The following KIF5B variants were observed in gnomAD, a reference collection of about 807,000 sequenced individuals.
The protein encoded by KIF5B is kinesin-1 heavy chain.
A neutral mutation model predicts 132.8 loss-of-function variants in KIF5B; 49 were observed. The ratio of observed to expected loss-of-function variants is 0.37; its 90% CI spans 0.29 to 0.47. The LOEUF (loss-of-function observed/expected upper bound fraction) is 0.47. Among genes scored for constraint, KIF5B ranks in the 20% least tolerant of loss-of-function variants. The pLI is 1.00. For missense variants in KIF5B, 780 were observed against 1,144.0 expected (o/e 0.68, Z 4.59); for synonymous variants, 355 against 369.4 (o/e 0.96, Z 0.45).
chr10:32,033,415 G>A (rs1291117058), intron 12 of KIF5B, among the ~76,000 whole-genome samples: 5 of 152,202 alleles, frequency 3.3e-5, no homozygotes, highest in African/African-American at 9.6e-5. Context: ...CATTAAGAGC[G>A]CGAACTCTAT....
At chr10:32,044,488 A>G (rs1392036334) in intron 2 of KIF5B, among the ~76,000 whole-genome samples, 1 of 152,204 alleles carries the variant, frequency 6.6e-6, no homozygotes, top group East Asian at 1.9e-4. Context: ...CCTGACCAAC[A>G]TGGAGGAACC....
At position 32,034,023 on chromosome 10, in the gene KIF5B, A is replaced by G; in HGVS notation, c.1127T>C (p.Ile376Thr). The G allele has an allele frequency of 6.3e-7, 1 of 1,578,496 alleles. No individual in the cohort carries two copies. Among genetic ancestry groups the G allele is most frequent in the East Asian group, 2.3e-5 (1 of 43,174 alleles). Residue 376 changes from isoleucine (I) to threonine (T), a missense_variant, in exon 12 of 26, where the codon ATT becomes ACT. Around this residue, in one of 9 missense-constraint regions of KIF5B, gnomAD observed 471 missense variants for 569.9 expected, o/e 0.83. Coordinates refer to ENST00000302418, the MANE Select transcript of KIF5B (RefSeq NM_004521.3). ...TTTCTCTTTGTCAAACTGTTCATCA[A>G]TAGGCACCGTCTCCCCTAAAATAAG... The part of the protein sequence containing the change: ...NRWRNGETVP[I>T]DEQFDKEKAN...
chr10:32,017,109 G>A (rs753475884), intron 24 of KIF5B, 34 bp downstream of exon 24: 3 of 1,532,622 alleles, frequency 2.0e-6, no homozygotes, highest in Admixed American at 1.7e-5. Context: ...TTCAAATTGA[G>A]CAAGGTTTAA....
chr10:32,017,111 A>C, intron 24 of KIF5B, 32 bp downstream of exon 24: 12 of 1,540,576 alleles, frequency 7.8e-6, no homozygotes, highest in Non-Finnish European at 9.9e-6. Context: ...CAAATTGAGC[A>C]AGGTTTAAAG....
chr10:32,017,209 C>T lies in KIF5B; in HGVS notation c.2695G>A (p.Val899Ile). The change falls in exon 24 of 26, where the codon GTA (valine) becomes ATA (isoleucine). Residue 899 changes from valine to isoleucine, a missense_variant. Val to Ile is a conservative substitution (Grantham distance 29). Transcript: ENST00000302418. ...CTGACTGCTTCCTTTATGCGATCTACTTCTTGCTGATAGCGTTTGCGATCA... is the reference window on the plus strand; with the variant it reads ...CTGACTGCTTCCTTTATGCGATCTATTTCTTGCTGATAGCGTTTGCGATCA... ...SRDRKRYQQE[V>I]DRIKEAVRSK... The T allele has an allele frequency of 6.2e-7, 1 of 1,614,228 alleles. No homozygotes were observed. The highest frequency in any genetic ancestry group is 1.1e-5 in the South Asian group (1 of 91,086).
chr10:32,039,258 C>A, intron 4 of KIF5B, 69 bp downstream of exon 4: 1 of 623,534 alleles, frequency 1.6e-6, no homozygotes, highest in South Asian at 2.2e-5. Context: ...AAGAAACCAG[C>A]ATTTACTATT....
chr10:32,031,148 A>G lies in KIF5B; in HGVS notation c.1506T>C (p.Tyr502=), dbSNP rs1402439240. The G allele has an allele frequency of 5.0e-6, 8 of 1,614,010 alleles. No individual in the cohort carries two copies. Among genetic ancestry groups the G allele is most frequent in the Non-Finnish European group, 6.8e-6 (8 of 1,179,962 alleles). ...CTTCAACTTCCTGAGACTTCTGATC[A>G]TAATTGACAGCAAGTTCTTCTAGGG... ...LQALEELAVN[Y]DQKSQEVEDK... is the part of the protein sequence containing the mutation. Residue 502 remains tyrosine (Y), a synonymous_variant, in exon 14 of 26, where the codon TAT becomes TAC. Coordinates refer to ENST00000302418, the MANE Select transcript of KIF5B (RefSeq NM_004521.3).
intron 15 of KIF5B, 33 bp from the exon 16 acceptor site, chr10:32,023,069 C>A (rs1238287461): frequency 7.3e-7 from 1 of 1,361,568 alleles, no homozygotes; most frequent in South Asian, 1.6e-5. Flanking sequence ...AAAATTAAAG[C>A]CAAAAATGTT....
intron 24 of KIF5B, among the ~76,000 whole-genome samples, chr10:32,016,749 T>C (rs899786249): frequency 6.6e-6 from 1 of 152,152 alleles, no homozygotes; most frequent in African/African-American, 2.4e-5. Flanking sequence ...CATGTTAGGC[T>C]GGTCTCGAAC....
At chr10:32,043,811 A>T (rs1841574915) in intron 2 of KIF5B, among the ~76,000 whole-genome samples, 1 of 152,188 alleles carries the variant, frequency 6.6e-6, no homozygotes, top group African/African-American at 2.4e-5. Context: ...ATTCTCAGTG[A>T]ACTTGTCGGG....
At position 32,024,993 on chromosome 10, in the gene KIF5B, C is replaced by T. The variant is rs77439880; in HGVS notation, c.1726-1957G>A. ...TTGGCAGGCTGAGGCAGAAGAATCA[C>T]TTGAACCCAGGAGGCGGAGGTTATG... On this transcript the variant is annotated intron_variant, in intron 15 of 25. Coordinates refer to ENST00000302418, the MANE Select transcript of KIF5B (RefSeq NM_004521.3). Among the ~76,000 whole-genome samples the T allele has an allele frequency of 5.8e-3, 879 of 152,272 alleles. 3 individuals are homozygous for T. The highest frequency in any genetic ancestry group is 0.02 in the African/African-American group (842 of 41,562).
chr10:32,040,022 G>GGAAGGAGGAGC (rs1490402738), intron 3 of KIF5B, among the ~76,000 whole-genome samples: 2 of 152,098 alleles, frequency 1.3e-5, no homozygotes, highest in African/African-American at 4.8e-5. Context: ...GTTATTTTGA[G>GGAAGGAGGAGC]GAAGGAGGAG....
chr10:32,015,283 A>C (rs897879964), intron 25 of KIF5B, among the ~76,000 whole-genome samples: 5 of 152,242 alleles, frequency 3.3e-5, no homozygotes, highest in African/African-American at 1.2e-4. Flanking sequence ...CACAGTATCA[A>C]AAGCTATTAC....
chr10:32,035,480 G>C, intron 10 of KIF5B, 42 bp downstream of exon 10: 1 of 1,541,018 alleles, frequency 6.5e-7, no homozygotes, highest in Non-Finnish European at 8.9e-7. Context: ...ATAAACAAAA[G>C]GTCTATCTAA....
At chr10:32,043,218 G>A (rs1264111172) in intron 2 of KIF5B, among the ~76,000 whole-genome samples, 1 of 152,258 alleles carries the variant, frequency 6.6e-6, no homozygotes, top group East Asian at 1.9e-4. Context: ...GGCCAGGCTG[G>A]TCTTCAACTC....
chr10:32,054,498 A>C (rs1348762840), intron 1 of KIF5B, among the ~76,000 whole-genome samples: 1 of 152,168 alleles, frequency 6.6e-6, no homozygotes, highest in Non-Finnish European at 1.5e-5. Flanking sequence ...CTTTGGAGAA[A>C]CTTTCACATC....
chr10:32,035,428 T>C, intron 10 of KIF5B, 94 bp downstream of exon 10: 1 of 1,043,094 alleles, frequency 9.6e-7, no homozygotes, highest in Non-Finnish European at 1.4e-6. Context: ...CACAAAACAG[T>C]ATGTACAGGT....
chr10:32,055,542 GCAGA>G (rs1198750210), intron 1 of KIF5B, among the ~76,000 whole-genome samples: 3 of 143,928 alleles, frequency 2.1e-5, no homozygotes, highest in African/African-American at 5.2e-5. Context: ...ACACACACAC[GCAGA>G]CAAACGTGCA....
intron 13 of KIF5B, 94 bp downstream of exon 13, chr10:32,032,612 A>G (rs576748436): frequency 1.0e-6 from 1 of 984,210 alleles, no homozygotes; most frequent in African/African-American, 1.6e-5. Flanking sequence ...AGTCATACCC[A>G]AAATTATACA....
Sources: allele counts gnomAD v4.1 joint callset (sites outside exome capture counted in the v4.1 genomes callset), GRCh38; gene constraint gnomAD v4.1.1; regional missense constraint gnomAD v4.1.1; transcripts MANE v1.5; gene names NCBI Gene and HGNC (gene_info 2026-07-23, HGNC 2026-07-21).